Variants in LARGE1 observed in about 807,000 individuals in gnomAD.
The protein encoded by LARGE1 is LARGE xylosyl- and glucuronyltransferase 1.
Under a neutral mutation model 87.6 loss-of-function variants are expected in LARGE1, and 43 were observed. The ratio of observed to expected loss-of-function variants is 0.49; its 90% CI spans 0.38 to 0.63. The LOEUF (loss-of-function observed/expected upper bound fraction) is 0.63, where lower values mean the gene tolerates loss of function less well. Ranked by LOEUF, LARGE1 falls within the 30% of genes least tolerant of loss-of-function variation. The pLI is 0.00. For synonymous variants in LARGE1, 434 were observed against 394.6 expected (o/e 1.10, Z -1.18); for missense variants, 802 against 1,000.2 (o/e 0.80, Z 2.67).
At chr22:33,599,619 G>T (rs934911687) in intron 5 of LARGE1, among the ~76,000 whole-genome samples, 8 of 152,260 alleles carry the variant, frequency 5.3e-5, no homozygotes, top group African/African-American at 1.7e-4. Flanking sequence ...ATTTCCCACA[G>T]TTCGTTTTTA....
rs776583343 is a variant in LARGE1, at chr22:33,829,006, CTTTTTTTTTTTT to C, written c.-82-67460_-82-67449del. Among the ~76,000 whole-genome samples the C allele has an allele frequency of 8.4e-5, 8 of 94,792 alleles. No individual in the cohort carries two copies. The East Asian group carries it at 2.6e-3, about 31-fold the overall frequency. 62.2% of individuals were successfully genotyped at this position (94,792 alleles called of 152,430 possible). A position where few individuals can be genotyped will look rare whatever the true frequency, so the allele number is the denominator to read the frequency against. ...GAGATGCTTTGTGAAGTCTCTTTTT[CTTTTTTTTTTTT>C]TTTTTTTTTTGAGAGAGTCTTGCTC... On this transcript the variant is annotated intron_variant, in intron 1 of 14. Coordinates refer to ENST00000397394, the MANE Select transcript of LARGE1 (RefSeq NM_133642.5).
intron 11 of LARGE1, among the ~76,000 whole-genome samples, chr22:33,231,507 A>C (rs547472145): frequency 2.9e-4 from 44 of 152,386 alleles, no homozygotes; most frequent in African/African-American, 9.1e-4. Context: ...AATACAAGTT[A>C]GCATAGGGTG....
chr22:33,299,642 CT>C (rs1443454628), intron 12 of LARGE1, among the ~76,000 whole-genome samples: 1 of 152,186 alleles, frequency 6.6e-6, no homozygotes, highest in African/African-American at 2.4e-5. Context: ...AAATGAACTC[CT>C]GCTGGGCACC....
chr22:33,353,701 C>T (rs1940621344), intron 9 of LARGE1, among the ~76,000 whole-genome samples: 1 of 152,180 alleles, frequency 6.6e-6, no homozygotes, highest in South Asian at 2.1e-4. Flanking sequence ...CAGAGTTATA[C>T]ACTGAGCAGT....
At chr22:33,871,435 T>A (rs1601821661) in intron 1 of LARGE1, among the ~76,000 whole-genome samples, 1 of 152,176 alleles carries the variant, frequency 6.6e-6, no homozygotes, top group South Asian at 2.1e-4. Flanking sequence ...AGGTGCTCCA[T>A]CTGGAAGGAC....
intron 11 of LARGE1, among the ~76,000 whole-genome samples, chr22:33,305,963 C>T (rs1014766709): frequency 7.9e-5 from 12 of 151,708 alleles, no homozygotes; most frequent in South Asian, 4.2e-4. Flanking sequence ...CTCAGCCTCC[C>T]GAGTAGCTGG....
At chr22:33,513,812 T>TACACACACACACACACACACACAC (rs56262022) in intron 6 of LARGE1, among the ~76,000 whole-genome samples, 6 of 143,284 alleles carry the variant, frequency 4.2e-5, no homozygotes, top group East Asian at 4.2e-4. Context: ...AGAGCTGATG[T>TACACACACACACACACACACACAC]ACACACACAC....
intron 6 of LARGE1, among the ~76,000 whole-genome samples, chr22:33,550,287 T>C (rs2077489603): frequency 6.6e-6 from 1 of 152,136 alleles, no homozygotes; most frequent in Non-Finnish European, 1.5e-5. Context: ...CCACTACATA[T>C]TCCTAAAGGA....
intron 10 of LARGE1, among the ~76,000 whole-genome samples, chr22:33,317,332 C>T (rs1936274175): frequency 1.3e-5 from 2 of 152,172 alleles, no homozygotes; most frequent in Admixed American, 6.5e-5. Context: ...TGACCTGATG[C>T]TTTTCTCTCC....
chr22:33,201,204 AG>A (rs1368706095), intron 11 of LARGE1, among the ~76,000 whole-genome samples: 1 of 152,174 alleles, frequency 6.6e-6, no homozygotes, highest in Non-Finnish European at 1.5e-5. Context: ...GCTACTTGGG[AG>A]GCTGAGGCAG....
intron 1 of LARGE1, among the ~76,000 whole-genome samples, chr22:33,785,036 T>C (rs992829808): frequency 7.0e-6 from 1 of 143,032 alleles, no homozygotes; most frequent in Non-Finnish European, 1.5e-5. Flanking sequence ...TGTATATACA[T>C]ATATGTGTAT....
intron 9 of LARGE1, among the ~76,000 whole-genome samples, chr22:33,371,713 G>A (rs147307331): frequency 3.4e-4 from 52 of 152,222 alleles, no homozygotes; most frequent in African/African-American, 1.1e-3. Flanking sequence ...TGCCGGGCGC[G>A]GTGGCTCACG....
chr22:33,686,761 A>G (rs2149321933), intron 2 of LARGE1, among the ~76,000 whole-genome samples: 1 of 152,286 alleles, frequency 6.6e-6, no homozygotes, highest in Middle Eastern at 3.4e-3. Context: ...CTCTGCATAC[A>G]GCAGATCCCT....
intron 6 of LARGE1, among the ~76,000 whole-genome samples, chr22:33,440,677 A>G (rs1459726392): frequency 6.6e-6 from 1 of 152,258 alleles, no homozygotes; most frequent in Non-Finnish European, 1.5e-5. Context: ...CTCCTGAAAG[A>G]GCTGCTACAC....
chr22:33,495,752 A>G (rs569921220), intron 6 of LARGE1, among the ~76,000 whole-genome samples: 2 of 152,216 alleles, frequency 1.3e-5, no homozygotes, highest in Admixed American at 6.5e-5. Context: ...CAAAAAAACT[A>G]AAGTTTGTAT....
At chr22:33,776,969 C>A (rs535691421) in intron 1 of LARGE1, among the ~76,000 whole-genome samples, 2 of 152,130 alleles carry the variant, frequency 1.3e-5, no homozygotes, top group Non-Finnish European at 2.9e-5. Flanking sequence ...TGGGCCCCTG[C>A]TCTTGAGGGG....
intron 6 of LARGE1, among the ~76,000 whole-genome samples, chr22:33,443,457 G>A (rs781448467): frequency 1.3e-5 from 2 of 152,152 alleles, no homozygotes; most frequent in Non-Finnish European, 2.9e-5. Flanking sequence ...GCAGGCAGGA[G>A]CCCAGGCCCC....
the LARGE1 span, among the ~76,000 whole-genome samples, chr22:33,150,462 T>C: frequency 6.6e-6 from 1 of 152,128 alleles, no homozygotes; most frequent in Admixed American, 6.5e-5. Context: ...ATTGGGCCCA[T>C]CCTGAAAATT....
At chr22:33,445,006 T>C (rs1375258292) in intron 6 of LARGE1, among the ~76,000 whole-genome samples, 2 of 152,158 alleles carry the variant, frequency 1.3e-5, no homozygotes, top group African/African-American at 4.8e-5. Context: ...ATTTTTGTAT[T>C]TTTGGTAGAG....
Sources: gnomAD v4.1 joint callset for allele counts (sites outside exome capture counted in the v4.1 genomes callset) on GRCh38, gnomAD v4.1.1 for gene constraint, MANE v1.5 for transcripts, NCBI Gene and HGNC (gene_info 2026-07-23, HGNC 2026-07-21) for gene names.